The following CDKAL1 variants were observed in gnomAD, a reference collection of about 807,000 sequenced individuals.
The protein encoded by CDKAL1 is threonylcarbamoyladenosine tRNA methylthiotransferase.
CDKAL1 carries 32 observed loss-of-function variants against 68.2 expected under a neutral mutation model. The observed-to-expected ratio is 0.47, with a 90% CI of 0.35 to 0.63. The LOEUF (loss-of-function observed/expected upper bound fraction) is 0.63, where lower values mean the gene tolerates loss of function less well. Among genes scored for constraint, CDKAL1 ranks in the 30% least tolerant of loss-of-function variants. The pLI is 0.00. For synonymous variants in CDKAL1, 234 were observed against 244.3 expected, an observed-to-expected ratio of 0.96 and a Z score of 0.39; for missense variants, 606 against 696.7, an observed-to-expected ratio of 0.87 and a Z score of 1.47.
intron 9 of CDKAL1, among the ~76,000 whole-genome samples, chr6:20,949,718 A>G (rs1295724271): frequency 2.0e-5 from 3 of 152,028 alleles, no homozygotes; most frequent in African/African-American, 4.8e-5. Context: ...CTGTATTAAC[A>G]GAATTATGTA....
intron 9 of CDKAL1, among the ~76,000 whole-genome samples, chr6:20,924,732 T>A (rs547605369): frequency 3.0e-4 from 46 of 152,318 alleles, no homozygotes; most frequent in African/African-American, 1.1e-3. Context: ...AGAAGCCATC[T>A]CCATAACATA....
At chr6:21,155,781 G>A (rs59596472) in intron 13 of CDKAL1, among the ~76,000 whole-genome samples, 38,375 of 152,046 alleles carry the variant, frequency 0.25, 5,244 homozygotes, top group African/African-American at 0.33. Flanking sequence ...CTGTGAGAAG[G>A]GCAGCCTGAC....
chr6:20,834,669 CA>C (rs1276984952), intron 8 of CDKAL1, among the ~76,000 whole-genome samples: 1 of 152,182 alleles, frequency 6.6e-6, no homozygotes, highest in East Asian at 1.9e-4. Context: ...ATAGGCAACA[CA>C]TTTCATCATT....
chr6:20,644,791 T>G (rs1011346800), intron 4 of CDKAL1, among the ~76,000 whole-genome samples: 2 of 152,362 alleles, frequency 1.3e-5, no homozygotes, highest in Admixed American at 1.3e-4. Context: ...TTTGACATAT[T>G]CACAGAATTC....
At chr6:20,853,163 C>T (rs1232392211) in intron 9 of CDKAL1, among the ~76,000 whole-genome samples, 1 of 151,964 alleles carries the variant, frequency 6.6e-6, no homozygotes, top group African/African-American at 2.4e-5. Context: ...AGGCAGATCA[C>T]TTGAGTTCAG....
intron 13 of CDKAL1, among the ~76,000 whole-genome samples, chr6:21,155,373 A>G (rs1180512170): frequency 6.6e-6 from 1 of 152,178 alleles, no homozygotes. Flanking sequence ...GACTTTTGAA[A>G]TAAAATATTC....
chr6:20,796,692 A>G (rs1341235449), intron 8 of CDKAL1, among the ~76,000 whole-genome samples: 2 of 152,192 alleles, frequency 1.3e-5, no homozygotes, highest in Non-Finnish European at 2.9e-5. Flanking sequence ...CCATGCAAAT[A>G]TGGGCAGTTG....
In CDKAL1 at chr6:20,613,261, T is replaced by C. The variant is rs9350266; in HGVS notation, c.287-36032T>C. On this transcript the variant is annotated intron_variant, in intron 4 of 15. Transcript: ENST00000274695. Reference sequence around the variant, plus strand: ...ACAAAATTTCTTTCTTTTTTTTTTTTTTTTTTTTTTTTTTTTTTTTTTTTT... The same window carrying C: ...ACAAAATTTCTTTCTTTTTTTTTTTCTTTTTTTTTTTTTTTTTTTTTTTTT... Among the ~76,000 whole-genome samples the C allele has an allele frequency of 1.2e-3, 18 of 14,642 alleles. 1 individual carries two copies. In the East Asian group the frequency reaches 0.049, roughly 40 times the overall value. The allele number at this position is 14,642 out of a possible 152,430, so 9.6% of individuals were successfully genotyped here.
chr6:20,864,961 A>T (rs1449182848), intron 9 of CDKAL1, among the ~76,000 whole-genome samples: 1 of 152,154 alleles, frequency 6.6e-6, no homozygotes, highest in Admixed American at 6.6e-5. Flanking sequence ...CACAGGTGTG[A>T]TTATAAATAC....
chr6:20,787,494 A>G (rs910049932), intron 8 of CDKAL1, among the ~76,000 whole-genome samples: 5 of 152,210 alleles, frequency 3.3e-5, no homozygotes, highest in African/African-American at 9.6e-5. Context: ...TCCAACCAGA[A>G]TTTAGTAAGC....
At chr6:20,782,124 C>T (rs1054422962) in intron 8 of CDKAL1, among the ~76,000 whole-genome samples, 1 of 152,234 alleles carries the variant, frequency 6.6e-6, no homozygotes, top group Admixed American at 6.5e-5. Context: ...AATGGCTTTA[C>T]TTCCTCCAGG....
intron 9 of CDKAL1, among the ~76,000 whole-genome samples, chr6:20,936,492 C>T (rs1228037772): frequency 6.6e-6 from 1 of 151,210 alleles, no homozygotes; most frequent in Non-Finnish European, 1.5e-5. Context: ...CCTCGTGATC[C>T]GCCCGCCTCG....
At chr6:20,993,701 C>G (rs1406687346) in intron 10 of CDKAL1, 1 of 152,152 alleles carries the variant, frequency 6.6e-6, no homozygotes, top group South Asian at 2.1e-4. Flanking sequence ...ATACATAGAA[C>G]TGCTTTTTAA....
At chr6:21,140,472 A>G (rs1775842821) in intron 13 of CDKAL1, among the ~76,000 whole-genome samples, 1 of 152,196 alleles carries the variant, frequency 6.6e-6, no homozygotes, top group Admixed American at 6.5e-5. Flanking sequence ...ACTTTAATTC[A>G]GTCAAACTGG....
At chr6:20,664,301 G>A (rs188188255) in intron 5 of CDKAL1, among the ~76,000 whole-genome samples, 1 of 109,174 alleles carries the variant, frequency 9.2e-6, no homozygotes. Flanking sequence ...GATAGAAAGT[G>A]TTTTGGGAAA....
chr6:20,637,036 CAA>C (rs58986368), intron 4 of CDKAL1, among the ~76,000 whole-genome samples: 3,636 of 113,230 alleles, frequency 0.032, 135 homozygotes, highest in African/African-American at 0.1. Flanking sequence ...GACTCCGTCT[CAA>C]AAAAAAAAAA....
At chr6:21,047,457 CAG>C (rs1463634261) in intron 11 of CDKAL1, among the ~76,000 whole-genome samples, 1 of 152,194 alleles carries the variant, frequency 6.6e-6, no homozygotes, top group African/African-American at 2.4e-5. Flanking sequence ...TTAGTCAAAA[CAG>C]GGATTAATCA....
chr6:21,082,880 T>TG (rs1772482510), intron 12 of CDKAL1, among the ~76,000 whole-genome samples: 1 of 150,486 alleles, frequency 6.6e-6, no homozygotes, highest in Admixed American at 6.6e-5. Context: ...TTTTGTTTTT[T>TG]TTTTTTTTTT....
chr6:20,904,576 G>C (rs987471493), intron 9 of CDKAL1, among the ~76,000 whole-genome samples: 1 of 152,050 alleles, frequency 6.6e-6, no homozygotes, highest in Admixed American at 6.5e-5. Flanking sequence ...GATTACCTGA[G>C]GTCAGGAGTT....
Sources: allele counts gnomAD v4.1 joint callset (sites outside exome capture counted in the v4.1 genomes callset), GRCh38; gene constraint gnomAD v4.1.1; transcripts MANE v1.5; gene names NCBI Gene and HGNC (gene_info 2026-07-23, HGNC 2026-07-21).